ABCA7: variants seen among roughly 807,000 people sequenced by gnomAD.
ABCA7 encodes ATP binding cassette subfamily A member 7.
ABCA7 carries 261 observed loss-of-function variants against 227.6 expected under a neutral mutation model. The observed-to-expected ratio is 1.15, with a 90% CI of 1.04 to 1.27. The LOEUF (loss-of-function observed/expected upper bound fraction) is 1.27, where lower values mean the gene tolerates loss of function less well. Ranked by LOEUF, ABCA7 falls within the 50% of genes most tolerant of loss-of-function variation. ABCA7 has a pLI of 0.00. For missense variants in ABCA7, 3,331 were observed against 2,924.5 expected, an observed-to-expected ratio of 1.14 and a Z score of -3.21; for synonymous variants, 1,488 against 1,279.7, an observed-to-expected ratio of 1.16 and a Z score of -3.47.
Position 1,041,618 on chromosome 19 carries a change from G to A in ABCA7, c.160+15G>A. The A allele has an allele frequency of 1.2e-6, 2 of 1,609,478 alleles. No individual in the cohort carries two copies. The highest frequency in any genetic ancestry group is 1.3e-5 in the African/African-American group (1 of 75,042). ...GCACCATGAATGTGAGCCCCCCCAG[G>A]GACCAGGCACTTTGTGTGTGTAGGG... is the stretch of plus-strand genomic sequence containing the variant. On this transcript the variant is annotated intron_variant, in intron 3 of 46. Coordinates refer to ENST00000263094, the MANE Select transcript of ABCA7 (RefSeq NM_019112.4).
At chr19:1,055,719 C>T (rs113337161) in intron 30 of ABCA7, among the ~76,000 whole-genome samples, 188 bp from the exon 31 acceptor site, 13,927 of 152,092 alleles carry the variant, frequency 0.092, 720 homozygotes, top group African/African-American at 0.13. Flanking sequence ...CCAGGCTGGT[C>T]TCGAACTCCT....
In ABCA7 at chr19:1,048,833, A is replaced by C. The variant is rs796407009; in HGVS notation, c.2270-62A>C. ...CAAAAAAAAAAAAAAACAAAACCCCAAAAAAAGCCTGGTACACTCCTGGGG... is the reference window on the plus strand; with the variant it reads ...CAAAAAAAAAAAAAAACAAAACCCCCAAAAAAGCCTGGTACACTCCTGGGG... On this transcript the variant is annotated intron_variant, in intron 16 of 46. Coordinates refer to ENST00000263094, the MANE Select transcript of ABCA7 (RefSeq NM_019112.4). 1.5e-3 allele frequency: 1,450 copies of C among 955,226 alleles called. 12 individuals carry two copies. The African/African-American group carries it at 0.021, about 14-fold the overall frequency. 59.2% of individuals were successfully genotyped at this position (955,226 alleles called of 1,614,324 possible). A position where few individuals can be genotyped will look rare whatever the true frequency, so the allele number is the denominator to read the frequency against.
rs767940717 is a variant in ABCA7 at position 1,053,396 on chromosome 19, A to ACACGAGCTGGTGCTGGTGCTGCCC, written c.3289_3312dup (p.His1097_Pro1104dup). On this transcript the variant is annotated inframe_insertion, in exon 24 of 47. Transcript: ENST00000263094. ...GGGCACGGCTGGTGGAGGAGCTGCCACACGAGCTGGTGCTGGTGCTGCCCT... is the reference window on the plus strand; with the variant it reads ...GGGCACGGCTGGTGGAGGAGCTGCCACACGAGCTGGTGCTGGTGCTGCCCCACGAGCTGGTGCTGGTGCTGCCCT... 1 of 1,608,336 alleles carries ACACGAGCTGGTGCTGGTGCTGCCC rather than the reference A, an allele frequency of 6.2e-7. No individual in the cohort carries two copies. Among genetic ancestry groups the ACACGAGCTGGTGCTGGTGCTGCCC allele is most frequent in the Admixed American group, 1.7e-5 (1 of 59,794 alleles).
In ABCA7 at chr19:1,058,268, G is replaced by C; in HGVS notation, c.5148G>C (p.Leu1716Phe). The C allele has an allele frequency of 6.2e-7, 1 of 1,613,134 alleles. No homozygotes were observed. The highest frequency in any genetic ancestry group is 8.5e-7 in the Non-Finnish European group (1 of 1,179,842). The stretch of plus-strand genomic sequence containing the variant: ...CCATGGCTGATGCCTTTGAGCGCTT[G>C]GGTGAGAACTTCCTGTCAGGTGGGG... The part of the protein sequence containing the change: ...NQAMADAFER[L>F]GDRQFQSPLR... The change falls in exon 37 of 47, where the codon TTG (leucine) becomes TTC (phenylalanine). Residue 1716 changes from leucine (L) to phenylalanine (F), a missense_variant and splice_region_variant. By Grantham distance (22) the Leu-to-Phe change is conservative. Coordinates refer to ENST00000263094, the MANE Select transcript of ABCA7 (RefSeq NM_019112.4).
chr19:1,048,808 CAAA>C (rs375803635), intron 16 of ABCA7, 84 bp from the exon 17 acceptor site: 235 of 496,542 alleles, frequency 4.7e-4, no homozygotes, highest in South Asian at 1.1e-3. Context: ...GACTCCGTCT[CAAA>C]AAAAAAAAAA....
chr19:1,063,808 A>C lies in ABCA7; in HGVS notation c.5896A>C (p.Asn1966His), dbSNP rs2042850593. The C allele has an allele frequency of 6.5e-7, 1 of 1,545,906 alleles. No individual in the cohort carries two copies. Among genetic ancestry groups the C allele is most frequent in the Non-Finnish European group, 8.7e-7 (1 of 1,145,598 alleles). ...CCCCAGCGCGCGGCGCTTCCTTTGG[A>C]ACAGCCTTTTGGCCGTGGTGCGGGA... ...MDPSARRFLWNSLLAVVREGR... is the reference protein window; with the variant it reads ...MDPSARRFLWHSLLAVVREGR... The change falls in exon 44 of 47, where the codon AAC (asparagine) becomes CAC (histidine). Residue 1966 changes from asparagine to histidine, a missense_variant. By Grantham distance (68) the Asn-to-His change is moderately conservative. Transcript: ENST00000263094.
Position 1,054,134 on chromosome 19 carries a change from G to T in ABCA7, c.3577+24G>T. The T allele has an allele frequency of 6.2e-7, 1 of 1,612,728 alleles. No homozygotes were observed. Among genetic ancestry groups the T allele is most frequent in the Non-Finnish European group, 8.5e-7 (1 of 1,179,796 alleles). On this transcript the variant is annotated intron_variant, in intron 26 of 46. Transcript: ENST00000263094. This position sits in a 1 kb window ranked among gnomAD's most constrained non-coding sequence, Gnocchi z 4.8. ...AGGTAAGTCCTTCCCAGTGGCCCTGGGGTCCTCCCAGCCACCCCCCCACAG... is the reference window on the plus strand; with the variant it reads ...AGGTAAGTCCTTCCCAGTGGCCCTGTGGTCCTCCCAGCCACCCCCCCACAG...
At chr19:1,058,497 C>T in intron 37 of ABCA7, 121 bp from the exon 38 acceptor site, 4 of 1,493,546 alleles carry the variant, frequency 2.7e-6, no homozygotes, top group Non-Finnish European at 3.6e-6. Flanking sequence ...CAATTAGACT[C>T]CAGCTGAGTG....
rs373153794 is a variant in ABCA7, at chr19:1,041,327, T to C, written c.-35T>C. On this transcript the variant is annotated 5_prime_UTR_variant, in exon 2 of 47. Transcript: ENST00000263094. ...CACGTCTTCAGCCCGACCGTTGTCCTGACCTCTCTGTCCCGTCCCCTGCCC... is the reference window on the plus strand; with the variant it reads ...CACGTCTTCAGCCCGACCGTTGTCCCGACCTCTCTGTCCCGTCCCCTGCCC... 1.2e-6 allele frequency: 2 copies of C among 1,611,954 alleles called. No individual in the cohort carries two copies. Among genetic ancestry groups the C allele is most frequent in the African/African-American group, 1.3e-5 (1 of 75,002 alleles).
Position 1,062,450 on chromosome 19 carries a change from C to T in ABCA7, c.5712+137C>T, listed in dbSNP as rs993960281. ...CCCTGCCCCCAGACCGTGCTTCCTT[C>T]CCCTATACCTCTGTCCCCCATCCTG... is the stretch of plus-strand genomic sequence containing the variant. On this transcript the variant is annotated intron_variant, in intron 42 of 46. Coordinates refer to ENST00000263094, the MANE Select transcript of ABCA7 (RefSeq NM_019112.4). 6 of 1,368,470 alleles carry T rather than the reference C, an allele frequency of 4.4e-6. No individual in the cohort carries two copies. In the African/African-American group the frequency reaches 7.2e-5, roughly 16 times the overall value. The allele number at this position is 1,368,470 out of a possible 1,614,324, so 84.8% of individuals were successfully genotyped here. A position where few individuals can be genotyped will look rare whatever the true frequency, so the allele number is the denominator to read the frequency against.
chr19:1,061,139 G>A (rs1031808150), intron 40 of ABCA7, among the ~76,000 whole-genome samples: 6 of 151,844 alleles, frequency 4.0e-5, no homozygotes, highest in Admixed American at 3.9e-4. Flanking sequence ...GCTCACAGCT[G>A]TAACCCCAGC....
At chr19:1,052,799 C>T (rs1169326279) in intron 23 of ABCA7, among the ~76,000 whole-genome samples, 2 of 151,068 alleles carry the variant, frequency 1.3e-5, no homozygotes. Flanking sequence ...AACCATGAGA[C>T]TAACTTGAAC....
chr19:1,051,693 A>G (rs902399898), intron 21 of ABCA7, 107 bp downstream of exon 21: 1 of 1,190,100 alleles, frequency 8.4e-7, no homozygotes, highest in African/African-American at 1.5e-5. Context: ...TGTGGACCCC[A>G]CTTGTTGCTA....
At chr19:1,043,956 G>C in intron 10 of ABCA7, 115 bp downstream of exon 10, 1 of 632,734 alleles carries the variant, frequency 1.6e-6, no homozygotes, top group South Asian at 1.8e-5. Context: ...TTTTTTTTTT[G>C]AGATGGAGTC....
chr19:1,059,288 GGAGTCTCACT>G (rs1368864015), intron 40 of ABCA7: 3 of 99,502 alleles, frequency 3.0e-5, no homozygotes, highest in Non-Finnish European at 5.3e-5. Context: ...TATTTGAGAT[GGAGTCTCACT>G]CTGTCTCCCA....
At chr19:1,055,062 A>G (rs1250088094) in intron 29 of ABCA7, 35 bp from the exon 30 acceptor site, 9 of 1,581,792 alleles carry the variant, frequency 5.7e-6, no homozygotes, top group South Asian at 3.4e-5. Flanking sequence ...TTGACCCTGC[A>G]GCGCCCTTGA....
intron 23 of ABCA7, among the ~76,000 whole-genome samples, chr19:1,053,016 C>T (rs1469627962): frequency 6.6e-6 from 1 of 152,164 alleles, no homozygotes; most frequent in East Asian, 1.9e-4. Flanking sequence ...CCCTCAGCCT[C>T]TCGAGTAACT....
chr19:1,065,025 C>G lies in ABCA7; in HGVS notation c.6139C>G (p.Leu2047Val). 1 of 1,555,256 alleles carries G rather than the reference C, an allele frequency of 6.4e-7. No homozygotes were observed. The highest frequency in any genetic ancestry group is 8.7e-7 in the Non-Finnish European group (1 of 1,151,648). Reference protein sequence around the residue: ...FVAAEFPGAELREAHGGRLRF... With the variant: ...FVAAEFPGAEVREAHGGRLRF... ...GGCGGCCGAGTTCCCTGGGGCGGAG[C>G]TGCGCGAGGCACATGGAGGCCGCCT... Residue 2047 changes from leucine to valine, a missense_variant, in exon 46 of 47, where the codon CTG becomes GTG. Coordinates refer to ENST00000263094, the MANE Select transcript of ABCA7 (RefSeq NM_019112.4).
In ABCA7 at chr19:1,056,515, C is replaced by A. The variant is rs1214419948; in HGVS notation, c.4586+16C>A. 1.2e-6 allele frequency: 2 copies of A among 1,605,228 alleles called. No individual in the cohort carries two copies. Among genetic ancestry groups the A allele is most frequent in the Non-Finnish European group, 1.7e-6 (2 of 1,175,716 alleles). The stretch of plus-strand genomic sequence containing the variant: ...AGGGTGCACTGTGAGTCCCTCCACC[C>A]TGCATGTCCTACCCTGCACGTCCTA... On this transcript the variant is annotated intron_variant, in intron 33 of 46. Transcript: ENST00000263094. The surrounding 1 kb of genome is among the most constrained non-coding windows in gnomAD (Gnocchi z 4.3).
Sources: allele counts gnomAD v4.1 joint callset (sites outside exome capture counted in the v4.1 genomes callset), GRCh38; gene constraint gnomAD v4.1.1; non-coding constraint Gnocchi (gnomAD v3.1); transcripts MANE v1.5; gene names NCBI Gene and HGNC (gene_info 2026-07-23, HGNC 2026-07-21).